Variants in CDKAL1 observed in about 807,000 individuals in gnomAD.
CDKAL1 encodes threonylcarbamoyladenosine tRNA methylthiotransferase.
A neutral mutation model predicts 68.2 loss-of-function variants in CDKAL1; 32 were observed. The observed-to-expected ratio is 0.47, with a 90% CI of 0.35 to 0.63. CDKAL1 has a LOEUF of 0.63. Ranked by LOEUF, CDKAL1 falls within the 30% of genes least tolerant of loss-of-function variation. The probability of loss-of-function intolerance (pLI) is 0.00; values close to 1 mark genes in which losing one functional copy is unlikely to be tolerated. For missense variants in CDKAL1, 606 were observed against 696.7 expected (o/e 0.87, Z 1.47); for synonymous variants, 234 against 244.3 (o/e 0.96, Z 0.39).
At position 21,043,220 on chromosome 6, in the gene CDKAL1, A is replaced by G. The variant is rs146914431; in HGVS notation, c.1056-21828A>G. Among the ~76,000 whole-genome samples the G allele has an allele frequency of 2.3e-3, 350 of 152,288 alleles. 1 individual carries two copies. Among genetic ancestry groups the G allele is most frequent in the African/African-American group, 8.0e-3 (331 of 41,564 alleles). ...ATAGAGCATAGAATGTCTGCCTTCC[A>G]TGATATTGGTTAAATTATCTGTCAG... is the stretch of plus-strand genomic sequence containing the variant. On this transcript the variant is annotated intron_variant, in intron 11 of 15. Transcript: ENST00000274695.
chr6:20,653,737 C>T (rs1413821967), intron 5 of CDKAL1, among the ~76,000 whole-genome samples: 1 of 152,002 alleles, frequency 6.6e-6, no homozygotes, highest in East Asian at 1.9e-4. Context: ...GCCTCAGCCT[C>T]TCGAGTAGGT....
intron 15 of CDKAL1, among the ~76,000 whole-genome samples, chr6:21,210,289 T>G (rs187127485): frequency 1.3e-5 from 2 of 152,332 alleles, no homozygotes; most frequent in East Asian, 1.9e-4. Context: ...AGTTCAGTGT[T>G]GAAACCTAAT....
intron 9 of CDKAL1, among the ~76,000 whole-genome samples, chr6:20,888,521 TC>T (rs1430970610): frequency 2.4e-5 from 1 of 42,248 alleles, no homozygotes. Context: ...CCCTCCCCCC[TC>T]CCCCCACCCC....
At chr6:20,586,212 T>G (rs1232106623) in intron 4 of CDKAL1, among the ~76,000 whole-genome samples, 1 of 152,220 alleles carries the variant, frequency 6.6e-6, no homozygotes, top group African/African-American at 2.4e-5. Flanking sequence ...GTTACCTGTT[T>G]TATCTCCTAG....
chr6:20,793,502 CATAATG>C (rs1304130958), intron 8 of CDKAL1, among the ~76,000 whole-genome samples: 1 of 152,044 alleles, frequency 6.6e-6, no homozygotes, highest in Non-Finnish European at 1.5e-5. Flanking sequence ...TGATGGTTGG[CATAATG>C]AGAGTCTTCT....
intron 9 of CDKAL1, among the ~76,000 whole-genome samples, chr6:20,908,867 T>C (rs1762341456): frequency 6.6e-6 from 1 of 152,216 alleles, no homozygotes; most frequent in African/African-American, 2.4e-5. Context: ...ATTTGTATTT[T>C]CCATGAAAGT....
chr6:20,620,286 C>T (rs919705871), intron 4 of CDKAL1, among the ~76,000 whole-genome samples: 3 of 152,136 alleles, frequency 2.0e-5, no homozygotes, highest in African/African-American at 7.2e-5. Context: ...CAAAGACTTT[C>T]TATTTTTATA....
At chr6:20,977,172 A>G (rs1765883858) in intron 10 of CDKAL1, among the ~76,000 whole-genome samples, 2 of 152,206 alleles carry the variant, frequency 1.3e-5, no homozygotes, top group South Asian at 4.1e-4. Context: ...CCTCTTGAAA[A>G]GGGGAAATAT....
At chr6:20,913,062 A>G (rs1762538042) in intron 9 of CDKAL1, among the ~76,000 whole-genome samples, 1 of 151,728 alleles carries the variant, frequency 6.6e-6, no homozygotes, top group Admixed American at 6.6e-5. Flanking sequence ...CAGTCTTAGG[A>G]GATGTATCAG....
At chr6:21,058,848 G>A (rs376504963) in intron 11 of CDKAL1, among the ~76,000 whole-genome samples, 2 of 149,618 alleles carry the variant, frequency 1.3e-5, no homozygotes, top group African/African-American at 4.9e-5. Flanking sequence ...TGTATAAGGT[G>A]TCTGGTGACT....
chr6:21,041,169 C>T (rs1769903407), intron 11 of CDKAL1, among the ~76,000 whole-genome samples: 1 of 152,204 alleles, frequency 6.6e-6, no homozygotes, highest in Admixed American at 6.5e-5. Flanking sequence ...ACTGAGATTA[C>T]TTGCAAGCTA....
intron 4 of CDKAL1, among the ~76,000 whole-genome samples, chr6:20,585,937 C>G (rs751721258): frequency 6.6e-6 from 1 of 152,006 alleles, no homozygotes; most frequent in Non-Finnish European, 1.5e-5. Context: ...GTCTATTTAC[C>G]ATGTCCAAAA....
At chr6:21,019,231 G>A (rs1340118062) in intron 11 of CDKAL1, among the ~76,000 whole-genome samples, 2 of 152,174 alleles carry the variant, frequency 1.3e-5, no homozygotes, top group African/African-American at 4.8e-5. Context: ...TTATAGGCGT[G>A]AGCCACCAGG....
chr6:20,882,177 G>A (rs1581756615), intron 9 of CDKAL1, among the ~76,000 whole-genome samples: 1 of 152,300 alleles, frequency 6.6e-6, no homozygotes. Context: ...CATGTCATGT[G>A]AGAGGTGCCC....
intron 9 of CDKAL1, among the ~76,000 whole-genome samples, chr6:20,887,862 C>T (rs974607311): frequency 6.6e-6 from 1 of 150,944 alleles, no homozygotes; most frequent in South Asian, 2.1e-4. Context: ...TAGCTCACTG[C>T]AGCCTTGAAC....
Position 20,696,068 on chromosome 6 carries a change from T to C in CDKAL1, c.372-43451T>C, listed in dbSNP as rs182364931. Among the ~76,000 whole-genome samples, 58 of 152,358 alleles carry C rather than the reference T, an allele frequency of 3.8e-4. No individual in the cohort carries two copies. The East Asian group carries it at 9.1e-3, about 24-fold the overall frequency. ...TTAAAAAATAGATTTGTAAAAGCCA[T>C]TGCCACATTTCTTGAATGCATGGCT... On this transcript the variant is annotated intron_variant, in intron 5 of 15. Transcript: ENST00000274695.
chr6:20,910,284 G>T (rs188478930), intron 9 of CDKAL1, among the ~76,000 whole-genome samples: 4 of 152,302 alleles, frequency 2.6e-5, no homozygotes, highest in African/African-American at 4.8e-5. Context: ...AGTTCTTATG[G>T]GAGATGTTTA....
intron 5 of CDKAL1, among the ~76,000 whole-genome samples, chr6:20,672,250 CTTTCTT>C (rs1769864326): frequency 7.6e-6 from 1 of 132,438 alleles, no homozygotes; most frequent in Non-Finnish European, 1.6e-5. Flanking sequence ...TTCTTTCTTT[CTTTCTT>C]TCTTTCTTTT....
At chr6:20,848,917 G>T (rs966419471) in intron 9 of CDKAL1, among the ~76,000 whole-genome samples, 1 of 151,594 alleles carries the variant, frequency 6.6e-6, no homozygotes, top group East Asian at 1.9e-4. Flanking sequence ...CTCAGCCTCC[G>T]CAGTAGTGGC....
Sources: allele counts gnomAD v4.1 joint callset (sites outside exome capture counted in the v4.1 genomes callset), GRCh38; gene constraint gnomAD v4.1.1; transcripts MANE v1.5; gene names NCBI Gene and HGNC (gene_info 2026-07-23, HGNC 2026-07-21).